Variants in CHAF1A observed in about 807,000 individuals in gnomAD.
CHAF1A encodes CAF-1 subunit A.
A neutral mutation model predicts 93.2 loss-of-function variants in CHAF1A; 5 were observed. The ratio of observed to expected loss-of-function variants is 0.05; its 90% CI spans 0.03 to 0.11. CHAF1A has a LOEUF of 0.11. CHAF1A is among the 10% of genes least tolerant of loss of function. CHAF1A has a pLI of 1.00. For missense variants in CHAF1A, 1,102 were observed against 1,259.9 expected (o/e 0.87, Z 1.90); for synonymous variants, 504 against 510.3 (o/e 0.99, Z 0.17).
At chr19:4,427,301 C>A (rs1467973236) in intron 7 of CHAF1A, among the ~76,000 whole-genome samples, 1 of 147,220 alleles carries the variant, frequency 6.8e-6, no homozygotes, top group Non-Finnish European at 1.5e-5. Flanking sequence ...AGGTGCCCAC[C>A]ACCATGCCAA....
rs182916987 is a variant in CHAF1A, at chr19:4,432,927, C to T, written c.2204-143C>T. 262 of 650,154 alleles carry T rather than the reference C, an allele frequency of 4.0e-4. No homozygotes were observed. In the East Asian group the frequency reaches 4.8e-3, roughly 12 times the overall value. 40.3% of individuals were successfully genotyped at this position (650,154 alleles called of 1,614,324 possible). ...CGTAGGTGCTACCCTGTCTTACACC[C>T]GCCCTCATGAGGCCACCTATCCCCG... is the stretch of plus-strand genomic sequence containing the variant. On this transcript the variant is annotated intron_variant, in intron 12 of 14. Coordinates refer to ENST00000301280, the MANE Select transcript of CHAF1A (RefSeq NM_005483.3).
At position 4,402,687 on chromosome 19, in the gene CHAF1A, G is replaced by A; in HGVS notation, c.-76G>A. 3.4e-6 allele frequency: 3 copies of A among 874,988 alleles called. No homozygotes were observed. Among genetic ancestry groups the A allele is most frequent in the Non-Finnish European group, 4.5e-6 (3 of 673,940 alleles). 54.2% of individuals were successfully genotyped at this position (874,988 alleles called of 1,614,324 possible). A position where few individuals can be genotyped will look rare whatever the true frequency, so the allele number is the denominator to read the frequency against. On this transcript the variant is annotated 5_prime_UTR_variant, in exon 1 of 15. Coordinates refer to ENST00000301280, the MANE Select transcript of CHAF1A (RefSeq NM_005483.3). ...GGCGGCAGCAGCGGCGCGGGCGGGA[G>A]GGCGAAGAGCAGCGGCCGCCTGAGG... is the stretch of plus-strand genomic sequence containing the variant.
intron 2 of CHAF1A, among the ~76,000 whole-genome samples, chr19:4,406,722 C>T (rs573888440): frequency 2.2e-4 from 33 of 152,190 alleles, no homozygotes; most frequent in Non-Finnish European, 4.1e-4. Context: ...TGTGAGCCAC[C>T]GCACCCGGCC....
At chr19:4,425,461 C>G (rs1157166307) in intron 7 of CHAF1A, among the ~76,000 whole-genome samples, 1 of 152,106 alleles carries the variant, frequency 6.6e-6, no homozygotes, top group African/African-American at 2.4e-5. Context: ...ACCATATTGG[C>G]CAGGCTGGTC....
rs756680679 is a variant in CHAF1A at position 4,443,215 on chromosome 19, GA to G, written c.*192del. The G allele has an allele frequency of 1.6e-6, 1 of 607,186 alleles. No homozygotes were observed. Among genetic ancestry groups the G allele is most frequent in the Non-Finnish European group, 3.0e-6 (1 of 332,146 alleles). The allele number at this position is 607,186 out of a possible 1,614,324, so 37.6% of individuals were successfully genotyped here. A position where few individuals can be genotyped will look rare whatever the true frequency, so the allele number is the denominator to read the frequency against. On this transcript the variant is annotated 3_prime_UTR_variant, in exon 15 of 15. Transcript: ENST00000301280. ...AAAAATTCCCCCAAGAGCCGCATATGAATCTGCCCTTTAATAAAGCATTATT... is the reference window on the plus strand; with the variant it reads ...AAAAATTCCCCCAAGAGCCGCATATGATCTGCCCTTTAATAAAGCATTATT...
At chr19:4,437,931 C>CG (rs1205681010) in intron 13 of CHAF1A, among the ~76,000 whole-genome samples, 3 of 151,838 alleles carry the variant, frequency 2.0e-5, no homozygotes, top group Non-Finnish European at 4.4e-5. Context: ...TTAGTAGAGA[C>CG]GGGGTTTCAC....
In CHAF1A at chr19:4,440,111, G is replaced by A. The variant is rs146966842; in HGVS notation, c.2674-2134G>A. 1.3e-3 allele frequency among the ~76,000 whole-genome samples: 199 copies of A among 152,258 alleles called. 4 individuals carry two copies. The highest frequency in any genetic ancestry group is 4.5e-3 in the African/African-American group (189 of 41,558). ...TGGCCTGACCGTTGTGTTGCTGTGCGGTCACTTTTCTAGGTTTTTGTAGAG... is the reference window on the plus strand; with the variant it reads ...TGGCCTGACCGTTGTGTTGCTGTGCAGTCACTTTTCTAGGTTTTTGTAGAG... On this transcript the variant is annotated intron_variant, in intron 13 of 14. Transcript: ENST00000301280.
rs1380810070 is a variant in CHAF1A, at chr19:4,423,793, C to T, written c.1309-13C>T. ...CCTCTCCTCTTTCTCATCACCATCT[C>T]TTAACATCACAGCGCATTAAAGCAG... is the stretch of plus-strand genomic sequence containing the variant. On this transcript the variant is annotated splice_polypyrimidine_tract_variant and intron_variant, in intron 6 of 14. Coordinates refer to ENST00000301280, the MANE Select transcript of CHAF1A (RefSeq NM_005483.3). The T allele has an allele frequency of 6.2e-7, 1 of 1,613,824 alleles. No homozygotes were observed. Among genetic ancestry groups the T allele is most frequent in the Non-Finnish European group, 8.5e-7 (1 of 1,179,668 alleles).
Position 4,433,487 on chromosome 19 carries a change from C to T in CHAF1A, c.2621C>T (p.Ala874Val), listed in dbSNP as rs532996643. 15 of 1,595,498 alleles carry T rather than the reference C, an allele frequency of 9.4e-6. No homozygotes were observed. The highest frequency in any genetic ancestry group is 5.4e-5 in the African/African-American group (4 of 74,756). ...CCCATCTCGCTGAAGAGGAAGTCAG[C>T]GGGCAGCATGTGCATCACCCAATTC... ...GTPISLKRKSAGSMCITQFMK... is the reference protein window; with the variant it reads ...GTPISLKRKSVGSMCITQFMK... Residue 874 changes from alanine (A) to valine (V), a missense_variant, in exon 13 of 15, where the codon GCG becomes GTG. Coordinates refer to ENST00000301280, the MANE Select transcript of CHAF1A (RefSeq NM_005483.3). This position sits in a 1 kb window ranked among gnomAD's most constrained non-coding sequence, Gnocchi z 5.6.
At chr19:4,447,533 C>T, downstream of CHAF1A, 1 of 1,612,870 alleles carries the variant, frequency 6.2e-7, no homozygotes, top group Non-Finnish European at 8.5e-7. Context: ...GCCCCGGGGG[C>T]CAGAAGGCAC....
intron 1 of CHAF1A, among the ~76,000 whole-genome samples, chr19:4,404,028 G>T (rs1186935407): frequency 1.3e-5 from 2 of 151,766 alleles, no homozygotes; most frequent in African/African-American, 2.4e-5. Context: ...ACCATGTTGG[G>T]CAGGCTGGTC....
intron 13 of CHAF1A, among the ~76,000 whole-genome samples, chr19:4,434,921 G>A (rs974671306): frequency 1.3e-5 from 2 of 152,044 alleles, no homozygotes; most frequent in African/African-American, 4.8e-5. Context: ...GCCCTGGGGT[G>A]TGTGATGGGG....
intron 13 of CHAF1A, among the ~76,000 whole-genome samples, chr19:4,436,878 G>C (rs1399036647): frequency 6.6e-6 from 1 of 152,196 alleles, no homozygotes; most frequent in Admixed American, 6.5e-5. Flanking sequence ...AGCGCCCTGA[G>C]CCCCATGTGC....
chr19:4,429,292 CT>C (rs2034814597), intron 8 of CHAF1A, 145 bp from the exon 9 acceptor site: 2 of 931,706 alleles, frequency 2.1e-6, no homozygotes, highest in African/African-American at 1.7e-5. Context: ...TGTTCCTGAC[CT>C]TTCTTTGGGG....
intron 7 of CHAF1A, 127 bp downstream of exon 7, chr19:4,424,001 C>A: frequency 1.3e-6 from 1 of 791,386 alleles, no homozygotes; most frequent in Non-Finnish European, 2.1e-6. Context: ...TGACCTAGGG[C>A]ACTTCCATTT....
intron 10 of CHAF1A, 198 bp downstream of exon 10, chr19:4,429,986 C>A: frequency 1.8e-6 from 1 of 556,222 alleles, no homozygotes; most frequent in Non-Finnish European, 3.2e-6. Context: ...TCTGGTGACA[C>A]TCGCCCACGT....
downstream of CHAF1A, chr19:4,444,521 G>C (rs1349181970): frequency 6.6e-6 from 1 of 152,424 alleles, no homozygotes; most frequent in African/African-American, 2.4e-5. Flanking sequence ...CTCAGCTCGG[G>C]GTCCCTTCCT....
chr19:4,418,012 G>C lies in CHAF1A; in HGVS notation c.961-8G>C, dbSNP rs1447643649. On this transcript the variant is annotated splice_polypyrimidine_tract_variant and splice_region_variant and intron_variant, in intron 3 of 14. Coordinates refer to ENST00000301280, the MANE Select transcript of CHAF1A (RefSeq NM_005483.3). ...CCGTGTTTAAAGATAAACGTCTTCT[G>C]TTTTCAGATAACTAAGAAATTCGTC... 2 of 1,597,902 alleles carry C rather than the reference G, an allele frequency of 1.3e-6. No homozygotes were observed. The highest frequency in any genetic ancestry group is 1.3e-5 in the African/African-American group (1 of 74,296).
Position 4,409,540 on chromosome 19 carries a change from T to C in CHAF1A, c.741T>C (p.Ala247=). Residue 247 remains alanine (A), a synonymous_variant, in exon 3 of 15, where the codon GCT becomes GCC. Transcript: ENST00000301280. ...VPMVVLQDIL[A]VRPPQIKSLP... is the part of the protein sequence containing the mutation. ...TGGTGGTCTTGCAGGACATCTTGGC[T>C]GTGAGACCACCGCAAATCAAGTCCC... is the stretch of plus-strand genomic sequence containing the variant. 2 of 1,614,046 alleles carry C rather than the reference T, an allele frequency of 1.2e-6. No individual in the cohort carries two copies. The highest frequency in any genetic ancestry group is 2.2e-5 in the South Asian group (2 of 91,066).
Sources: allele counts gnomAD v4.1 joint callset (sites outside exome capture counted in the v4.1 genomes callset), GRCh38; gene constraint gnomAD v4.1.1; non-coding constraint Gnocchi (gnomAD v3.1); transcripts MANE v1.5; gene names NCBI Gene and HGNC (gene_info 2026-07-23, HGNC 2026-07-21).